The following TMPRSS12 variants were observed in gnomAD, a reference collection of about 807,000 sequenced individuals.
TMPRSS12 encodes the protein transmembrane serine protease 12.
A neutral mutation model predicts 26.0 loss-of-function variants in TMPRSS12; 25 were observed. The ratio of observed to expected loss-of-function variants is 0.96; its 90% CI spans 0.70 to 1.34. The LOEUF is 1.34. Ranked by LOEUF, TMPRSS12 falls within the 40% of genes most tolerant of loss-of-function variation. The pLI, the probability that TMPRSS12 is intolerant of heterozygous loss-of-function variation, is 0.00. For synonymous variants in TMPRSS12, 150 were observed against 161.7 expected, an observed-to-expected ratio of 0.93 and a Z score of 0.55; for missense variants, 441 against 440.1, an observed-to-expected ratio of 1.00 and a Z score of -0.02.
intron 3 of TMPRSS12, among the ~76,000 whole-genome samples, chr12:50,883,093 C>A (rs1174474363): frequency 6.6e-6 from 1 of 152,104 alleles, no homozygotes; most frequent in Non-Finnish European, 1.5e-5. Context: ...CTCTGGGAGG[C>A]CAAATTAGGA....
At chr12:50,849,667 G>A (rs901543558) in intron 2 of TMPRSS12, among the ~76,000 whole-genome samples, 2 of 151,648 alleles carry the variant, frequency 1.3e-5, no homozygotes, top group African/African-American at 4.9e-5. Context: ...TGTTTACCTA[G>A]CAGAATGCAT....
chr12:50,852,751 A>T (rs911940135), intron 2 of TMPRSS12, among the ~76,000 whole-genome samples: 1 of 152,216 alleles, frequency 6.6e-6, no homozygotes, highest in Non-Finnish European at 1.5e-5. Context: ...GACAAAAAAG[A>T]GCATTACATA....
chr12:50,868,773 G>T (rs1310314409), intron 3 of TMPRSS12, among the ~76,000 whole-genome samples: 2 of 151,982 alleles, frequency 1.3e-5, no homozygotes, highest in African/African-American at 2.4e-5. Flanking sequence ...ATAAATTTAA[G>T]AAAATTAAAA....
intron 3 of TMPRSS12, among the ~76,000 whole-genome samples, chr12:50,878,703 A>C (rs1414177762): frequency 6.6e-6 from 1 of 152,258 alleles, no homozygotes. Context: ...ATATAATGGA[A>C]AACAGTCTTT....
chr12:50,866,950 G>A (rs1225406987), intron 3 of TMPRSS12, among the ~76,000 whole-genome samples: 1 of 152,132 alleles, frequency 6.6e-6, no homozygotes, highest in Non-Finnish European at 1.5e-5. Flanking sequence ...CTACATCAAA[G>A]GAACACTCAA....
intron 3 of TMPRSS12, among the ~76,000 whole-genome samples, chr12:50,872,143 C>T (rs1050641226): frequency 6.6e-5 from 10 of 152,276 alleles, no homozygotes; most frequent in Non-Finnish European, 1.3e-4. Flanking sequence ...CTTGCACACG[C>T]GTGTTTATAG....
At chr12:50,850,833 C>T (rs1423249128) in intron 2 of TMPRSS12, among the ~76,000 whole-genome samples, 1 of 152,174 alleles carries the variant, frequency 6.6e-6, no homozygotes, top group Non-Finnish European at 1.5e-5. Flanking sequence ...ACCAGGAACA[C>T]CTCAGGTCTT....
At position 50,887,252 on chromosome 12, in the gene TMPRSS12, T is replaced by C; in HGVS notation, c.796-10T>C. On this transcript the variant is annotated splice_polypyrimidine_tract_variant and intron_variant, in intron 4 of 4. Transcript: ENST00000398458. ...AAGTAACAAACACTATTTTGGGACT[T>C]TTTTGACAGGGTGACAGTGGGGGAC... The C allele has an allele frequency of 1.2e-6, 2 of 1,610,920 alleles. No individual in the cohort carries two copies. The highest frequency in any genetic ancestry group is 1.7e-6 in the Non-Finnish European group (2 of 1,178,424).
At chr12:50,860,489 C>T (rs1937924337) in intron 3 of TMPRSS12, among the ~76,000 whole-genome samples, 1 of 152,182 alleles carries the variant, frequency 6.6e-6, no homozygotes, top group South Asian at 2.1e-4. Flanking sequence ...AATTATAGCT[C>T]ACTGCAGCCT....
intron 3 of TMPRSS12, among the ~76,000 whole-genome samples, chr12:50,875,364 A>G (rs1938103016): frequency 6.6e-6 from 1 of 151,534 alleles, no homozygotes; most frequent in Admixed American, 6.6e-5. Flanking sequence ...GGTGGCACAC[A>G]CCTGTAATCC....
At chr12:50,872,977 C>T (rs560591731) in intron 3 of TMPRSS12, among the ~76,000 whole-genome samples, 2 of 148,976 alleles carry the variant, frequency 1.3e-5, no homozygotes, top group Non-Finnish European at 3.0e-5. Flanking sequence ...ATATATATGA[C>T]GTATATATAT....
At position 50,887,401 on chromosome 12, in the gene TMPRSS12, G is replaced by A. The variant is rs1938238356; in HGVS notation, c.935G>A (p.Trp312Ter). 1 of 1,613,728 alleles carries A rather than the reference G, an allele frequency of 6.2e-7. No individual in the cohort carries two copies. The highest frequency in any genetic ancestry group is 1.3e-5 in the African/African-American group (1 of 74,884). Reference protein sequence around the residue: ...VYIGPSFYQKWLTEHFFHAST... With the variant: ...VYIGPSFYQK Reference sequence around the variant, plus strand: ...ATTGGGCCATCCTTCTACCAAAAGTGGCTGACAGAGCATTTCTTCCATGCA... The same window carrying A: ...ATTGGGCCATCCTTCTACCAAAAGTAGCTGACAGAGCATTTCTTCCATGCA... The change falls in exon 5 of 5, where the codon TGG becomes TAG. Residue 312 changes from tryptophan (W) to a stop codon, truncating the protein, a stop_gained. Coordinates refer to ENST00000398458, the MANE Select transcript of TMPRSS12 (RefSeq NM_182559.3). LOFTEE classifies it low-confidence loss of function (END_TRUNC).
At chr12:50,863,881 T>G (rs1273150183) in intron 3 of TMPRSS12, among the ~76,000 whole-genome samples, 1 of 152,230 alleles carries the variant, frequency 6.6e-6, no homozygotes, top group Non-Finnish European at 1.5e-5. Flanking sequence ...TTTGATACTG[T>G]ATTTCAGTGA....
intron 3 of TMPRSS12, among the ~76,000 whole-genome samples, chr12:50,876,219 A>C (rs1311534095): frequency 1.3e-5 from 2 of 152,358 alleles, no homozygotes; most frequent in East Asian, 3.9e-4. Flanking sequence ...CACACTAATC[A>C]GAATGGCTAT....
chr12:50,880,822 C>T (rs1461124900), intron 3 of TMPRSS12, among the ~76,000 whole-genome samples: 1 of 151,960 alleles, frequency 6.6e-6, no homozygotes, highest in African/African-American at 2.4e-5. Context: ...AGGAAGAAAG[C>T]TATCCTGCAA....
At chr12:50,852,644 C>T (rs75024286) in intron 2 of TMPRSS12, among the ~76,000 whole-genome samples, 7,581 of 152,104 alleles carry the variant, frequency 0.05, 264 homozygotes, top group Middle Eastern at 0.12. Context: ...CTCCTGACTT[C>T]GTGAACCATC....
rs182342296 is a variant in TMPRSS12 at position 50,885,304 on chromosome 12, T to C, written c.711T>C (p.Cys237=). ...AEVHYISREM[C]NSERSYGGII... ...TGCATTATATTTCTCGAGAGATGTG[T>C]AATTCTGAGAGGAGTTATGGGGGAA... Residue 237 remains cysteine (C), a synonymous_variant, in exon 4 of 5, where the codon TGT becomes TGC. Transcript: ENST00000398458. The C allele has an allele frequency of 6.3e-4, 1,014 of 1,613,076 alleles. 1 individual carries two copies. The highest frequency in any genetic ancestry group is 8.2e-4 in the Non-Finnish European group (973 of 1,179,616).
intron 3 of TMPRSS12, among the ~76,000 whole-genome samples, chr12:50,865,958 A>G (rs1592220951): frequency 6.6e-6 from 1 of 152,148 alleles, no homozygotes; most frequent in East Asian, 1.9e-4. Context: ...GGCAGATGGG[A>G]GGCAGAACTA....
At chr12:50,878,332 G>A (rs971771551) in intron 3 of TMPRSS12, among the ~76,000 whole-genome samples, 7 of 152,114 alleles carry the variant, frequency 4.6e-5, no homozygotes, top group African/African-American at 1.7e-4. Context: ...TGTAATCCCA[G>A]CATTTTGGGA....
Sources: gnomAD v4.1 joint callset for allele counts (sites outside exome capture counted in the v4.1 genomes callset) on GRCh38, gnomAD v4.1.1 for gene constraint, MANE v1.5 for transcripts, NCBI Gene and HGNC (gene_info 2026-07-23, HGNC 2026-07-21) for gene names.